The following OSBPL9 variants were observed in gnomAD, a reference collection of about 807,000 sequenced individuals.
OSBPL9 encodes oxysterol binding protein like 9.
A neutral mutation model predicts 106.6 loss-of-function variants in OSBPL9; 40 were observed. The ratio of observed to expected loss-of-function variants is 0.38; its 90% CI spans 0.29 to 0.49. The LOEUF is 0.49. OSBPL9 is among the 20% of genes least tolerant of loss of function. The pLI is 0.97. For missense variants in OSBPL9, 609 were observed against 887.2 expected (o/e 0.69, Z 3.98); for synonymous variants, 269 against 295.4 (o/e 0.91, Z 0.92).
the OSBPL9 span, among the ~76,000 whole-genome samples, chr1:51,549,104 T>G: frequency 1.3e-5 from 2 of 152,112 alleles, no homozygotes; most frequent in Non-Finnish European, 2.9e-5. Flanking sequence ...GGTTGTAAGG[T>G]CTAGAAACCA....
At chr1:51,751,976 G>A (rs1399245336) in intron 8 of OSBPL9, among the ~76,000 whole-genome samples, 2 of 152,108 alleles carry the variant, frequency 1.3e-5, no homozygotes, top group Non-Finnish European at 2.9e-5. Flanking sequence ...TTTTATTGTT[G>A]TTAAGTCTTC....
intron 15 of OSBPL9, among the ~76,000 whole-genome samples, chr1:51,779,633 CTA>C (rs1014546321): frequency 1.8e-4 from 28 of 151,900 alleles, no homozygotes; most frequent in African/African-American, 6.8e-4. Context: ...TATTCGCAAA[CTA>C]TGCATCTGGC....
intron 11 of OSBPL9, among the ~76,000 whole-genome samples, chr1:51,762,451 C>T (rs80021891): frequency 0.097 from 14,714 of 152,204 alleles, 866 homozygotes; most frequent in African/African-American, 0.16. Flanking sequence ...AAGCATGAGG[C>T]ACCATGCCTG....
intron 8 of OSBPL9, among the ~76,000 whole-genome samples, chr1:51,755,554 A>G (rs144366819): frequency 2.1e-3 from 315 of 152,324 alleles, no homozygotes; most frequent in Middle Eastern, 6.8e-3. Flanking sequence ...TTCTCTCACT[A>G]TACTGGGCAG....
At chr1:51,720,758 T>C (rs1661958519) in intron 4 of OSBPL9, among the ~76,000 whole-genome samples, 1 of 152,066 alleles carries the variant, frequency 6.6e-6, no homozygotes, top group South Asian at 2.1e-4. Flanking sequence ...GGCTACTTCA[T>C]GTAGATTTTA....
chr1:51,653,736 C>T lies in OSBPL9; in HGVS notation c.162+1695C>T, dbSNP rs541460332. Among the ~76,000 whole-genome samples the T allele has an allele frequency of 1.6e-4, 25 of 152,306 alleles. No individual in the cohort carries two copies. In the South Asian group the frequency reaches 3.3e-3, roughly 20 times the overall value. On this transcript the variant is annotated intron_variant, in intron 2 of 23. Transcript: ENST00000428468. Reference sequence around the variant, plus strand: ...TGGACCGGCTGGGTGCTGGAGCTCACGCCTTTAATCCCAACACTGGGAGAC... The same window carrying T: ...TGGACCGGCTGGGTGCTGGAGCTCATGCCTTTAATCCCAACACTGGGAGAC...
At chr1:51,782,706 T>A (rs1676680387) in intron 17 of OSBPL9, 63 bp downstream of exon 17, 2 of 1,446,764 alleles carry the variant, frequency 1.4e-6, no homozygotes, top group Admixed American at 3.5e-5. Context: ...AGAGGGTCAT[T>A]AAAAGCGCCA....
In OSBPL9 at chr1:51,666,183, A is replaced by G. The variant is rs142073115; in HGVS notation, c.163-3251A>G. 9.2e-3 allele frequency among the ~76,000 whole-genome samples: 1,401 copies of G among 152,236 alleles called. 26 individuals are homozygous for G. Among genetic ancestry groups the G allele is most frequent in the African/African-American group, 0.032 (1,309 of 41,548 alleles). On this transcript the variant is annotated intron_variant, in intron 2 of 23. Coordinates refer to ENST00000428468, the MANE Select transcript of OSBPL9 (RefSeq NM_024586.6). ...TTCTGTACAACAAAACTAAAGTAGT[A>G]ATGTGGTCATTGGAGATCTGTGAGA... is the stretch of plus-strand genomic sequence containing the variant.
At chr1:51,578,241 T>G (rs1645197965) in intron 1 of OSBPL9, among the ~76,000 whole-genome samples, 1 of 152,246 alleles carries the variant, frequency 6.6e-6, no homozygotes, top group Admixed American at 6.5e-5. Context: ...TAATTGATTC[T>G]AAAAAGCTTG....
At chr1:51,607,439 G>A (rs1643956766) in intron 2 of OSBPL9, among the ~76,000 whole-genome samples, 1 of 152,116 alleles carries the variant, frequency 6.6e-6, no homozygotes, top group Non-Finnish European at 1.5e-5. Flanking sequence ...TAGGATTACA[G>A]GCGTGAGCCA....
chr1:51,520,325 C>G, the OSBPL9 span, among the ~76,000 whole-genome samples: 53 of 152,302 alleles, frequency 3.5e-4, no homozygotes, highest in Non-Finnish European at 3.5e-4. Context: ...AGTTGGAATA[C>G]CCAGTTACTT....
chr1:51,707,499 G>T, intron 3 of OSBPL9: 1 of 186,064 alleles, frequency 5.4e-6, no homozygotes. Context: ...CTACAACCTT[G>T]GCAGCACCAG....
chr1:51,685,325 G>T (rs773228357), intron 3 of OSBPL9, among the ~76,000 whole-genome samples: 8 of 152,004 alleles, frequency 5.3e-5, no homozygotes, highest in South Asian at 2.1e-4. Context: ...CTGGTAATGC[G>T]TAGACTGCAC....
intron 14 of OSBPL9, among the ~76,000 whole-genome samples, chr1:51,773,941 CGTT>C (rs3835387): frequency 0.7 from 104,785 of 148,890 alleles, 37,990 homozygotes; most frequent in East Asian, 0.94. Flanking sequence ...CAGCTGCTGG[CGTT>C]GTTGTTGTTG....
rs200013452 is a variant in OSBPL9 at position 51,703,384 on chromosome 1, A to AT, written c.242-10615dup. Among the ~76,000 whole-genome samples the AT allele has an allele frequency of 8.5e-5, 13 of 152,128 alleles. No homozygotes were observed. The East Asian group carries it at 2.3e-3, about 27-fold the overall frequency. The stretch of plus-strand genomic sequence containing the variant: ...TCCCTTGTAAGTTGGATTCCTAGGT[A>AT]TTTTATTCTCTTTGAAGCAGTTGTG... On this transcript the variant is annotated intron_variant, in intron 3 of 23. Transcript: ENST00000428468.
At chr1:51,701,522 T>C (rs1291658844) in intron 3 of OSBPL9, among the ~76,000 whole-genome samples, 1 of 152,202 alleles carries the variant, frequency 6.6e-6, no homozygotes, top group Non-Finnish European at 1.5e-5. Flanking sequence ...CTCACTTGTC[T>C]GTAGTTACAG....
upstream of OSBPL9, among the ~76,000 whole-genome samples, chr1:51,614,594 C>G (rs1030758622): frequency 6.6e-6 from 1 of 152,244 alleles, no homozygotes; most frequent in East Asian, 1.9e-4. Context: ...TGTCAGCCAC[C>G]AAGCCCGGCC....
intron 3 of OSBPL9, 66 bp from the exon 4 acceptor site, chr1:51,713,937 T>C: frequency 7.9e-7 from 1 of 1,265,758 alleles, no homozygotes; most frequent in Non-Finnish European, 1.1e-6. Flanking sequence ...TAAAATGATA[T>C]TTTCAAATAT....
At chr1:51,749,772 C>CAGG in intron 7 of OSBPL9, among the ~76,000 whole-genome samples, 1 of 151,290 alleles carries the variant, frequency 6.6e-6, no homozygotes, top group African/African-American at 2.4e-5. Context: ...GAGGCTGAGA[C>CAGG]GGGGATCGCT....
Sources: allele counts gnomAD v4.1 joint callset (sites outside exome capture counted in the v4.1 genomes callset), GRCh38; gene constraint gnomAD v4.1.1; transcripts MANE v1.5; gene names NCBI Gene and HGNC (gene_info 2026-07-23, HGNC 2026-07-21).